Variants in PAIP1 observed in about 807,000 individuals in gnomAD.
The protein encoded by PAIP1 is polyadenylate-binding protein-interacting protein 1.
A neutral mutation model predicts 61.3 loss-of-function variants in PAIP1; 16 were observed. The ratio of observed to expected loss-of-function variants is 0.26; its 90% CI spans 0.18 to 0.40. PAIP1 has a LOEUF of 0.40. Among genes scored for constraint, PAIP1 ranks in the 10% least tolerant of loss-of-function variants. The probability of loss-of-function intolerance (pLI) is 1.00; values close to 1 mark genes in which losing one functional copy is unlikely to be tolerated. For missense variants in PAIP1, 416 were observed against 600.9 expected, an observed-to-expected ratio of 0.69 and a Z score of 3.22; for synonymous variants, 187 against 226.2, an observed-to-expected ratio of 0.83 and a Z score of 1.56.
chr5:43,556,492 C>T lies in PAIP1; in HGVS notation c.265+90G>A, dbSNP rs10072263. ...CTTTCGGGGAACCGGGGGTGGGGAC[C>T]GCAGACAGCGCGTCGGGCCTCGGCA... On this transcript the variant is annotated intron_variant, in intron 1 of 10. Transcript: ENST00000306846. 13,155 of 1,205,978 alleles carry T rather than the reference C, an allele frequency of 0.011. 1,085 individuals are homozygous for T. In the African/African-American group the frequency reaches 0.18, roughly 17 times the overall value. 74.7% of individuals were successfully genotyped at this position (1,205,978 alleles called of 1,614,324 possible). A position where few individuals can be genotyped will look rare whatever the true frequency, so the allele number is the denominator to read the frequency against.
chr5:43,554,279 C>A (rs1443243780), intron 2 of PAIP1, among the ~76,000 whole-genome samples: 1 of 152,210 alleles, frequency 6.6e-6, no homozygotes, highest in African/African-American at 2.4e-5. Context: ...TAAATGGGAA[C>A]CTGCTTGTAG....
At chr5:43,538,053 T>C (rs1451283577) in intron 5 of PAIP1, among the ~76,000 whole-genome samples, 4 of 151,236 alleles carry the variant, frequency 2.6e-5, no homozygotes, top group African/African-American at 9.7e-5. Context: ...AATAATGCCG[T>C]GCTGAATCCA....
Position 43,527,442 on chromosome 5 carries a change from C to T in PAIP1, c.1374G>A (p.Met458Ile), listed in dbSNP as rs764253665. 1.2e-6 allele frequency: 2 copies of T among 1,606,582 alleles called. No individual in the cohort carries two copies. Among genetic ancestry groups the T allele is most frequent in the South Asian group, 1.1e-5 (1 of 89,784 alleles). Residue 458 changes from methionine to isoleucine, a missense_variant, in exon 11 of 11, where the codon ATG (methionine) becomes ATA (isoleucine). Met to Ile is a conservative substitution (Grantham distance 10, BLOSUM62 1). Coordinates refer to ENST00000306846, the MANE Select transcript of PAIP1 (RefSeq NM_006451.5). Reference protein sequence around the residue: ...DPYLDDIDDEMDPEIEEAYEK... With the variant: ...DPYLDDIDDEIDPEIEEAYEK... Reference sequence around the variant, plus strand: ...CATAAGCTTCTTCTATCTCTGGGTCCATCTCATCATCAATATCATCCAAGT... The same window carrying T: ...CATAAGCTTCTTCTATCTCTGGGTCTATCTCATCATCAATATCATCCAAGT...
In PAIP1 at chr5:43,547,779, A is replaced by G. The variant is rs147121444; in HGVS notation, c.570T>C (p.Cys190=). 465 of 1,612,038 alleles carry G rather than the reference A, an allele frequency of 2.9e-4. 1 individual carries two copies. Among genetic ancestry groups the G allele is most frequent in the Non-Finnish European group, 3.8e-4 (443 of 1,179,552 alleles). The change falls in exon 3 of 11, where the codon TGT becomes TGC. Residue 190 remains cysteine (C), a synonymous_variant. Coordinates refer to ENST00000306846, the MANE Select transcript of PAIP1 (RefSeq NM_006451.5). ...CTTGCAAAGCATCATCTGTTGTAAC[A>G]CAACCATTCAGGGTCTCTGCAAACT... ...IEQFAETLNG[C]VTTDDALQEL...
At chr5:43,557,138 G>A, upstream of PAIP1, 2 of 339,490 alleles carry the variant, frequency 5.9e-6, no homozygotes, top group Non-Finnish European at 4.9e-6. Context: ...GCGGGTCACA[G>A]CGGCCCCCTG....
chr5:43,550,891 A>G (rs1272189191), intron 2 of PAIP1, among the ~76,000 whole-genome samples: 1 of 150,364 alleles, frequency 6.7e-6, no homozygotes, highest in Non-Finnish European at 1.5e-5. Context: ...CTTAGAGTTA[A>G]TATATAAACT....
chr5:43,555,417 G>C (rs1381442753), intron 2 of PAIP1, among the ~76,000 whole-genome samples: 1 of 152,178 alleles, frequency 6.6e-6, no homozygotes, highest in African/African-American at 2.4e-5. Context: ...GCTTTGTACG[G>C]CTATTTAAGA....
At chr5:43,551,837 A>G (rs1747879974) in intron 2 of PAIP1, among the ~76,000 whole-genome samples, 1 of 151,912 alleles carries the variant, frequency 6.6e-6, no homozygotes, top group African/African-American at 2.4e-5. Context: ...TGCTCTGAAT[A>G]TAGCAGAACA....
At chr5:43,546,528 A>C (rs924929540) in intron 3 of PAIP1, among the ~76,000 whole-genome samples, 3 of 152,228 alleles carry the variant, frequency 2.0e-5, no homozygotes, top group African/African-American at 7.2e-5. Context: ...AATAACTTGG[A>C]AAAGCAGCCA....
intron 2 of PAIP1, among the ~76,000 whole-genome samples, chr5:43,551,060 A>G (rs1021813485): frequency 6.6e-6 from 1 of 152,134 alleles, no homozygotes; most frequent in Non-Finnish European, 1.5e-5. Context: ...AATGAGGTCA[A>G]TGAGGCAGAT....
At chr5:43,527,716 A>T (rs540468926) in intron 10 of PAIP1, among the ~76,000 whole-genome samples, 18 of 152,316 alleles carry the variant, frequency 1.2e-4, no homozygotes, top group Middle Eastern at 3.4e-3. Flanking sequence ...ACTTTTAGAC[A>T]TAAGTTAAAT....
Position 43,556,789 on chromosome 5 carries a change from C to A in PAIP1, c.58G>T (p.Gly20Cys). The A allele has an allele frequency of 1.4e-6, 2 of 1,451,930 alleles. No homozygotes were observed. Among genetic ancestry groups the A allele is most frequent in the East Asian group, 3.0e-5 (1 of 32,866 alleles). 89.9% of individuals were successfully genotyped at this position (1,451,930 alleles called of 1,614,324 possible). The change falls in exon 1 of 11, where the codon GGC becomes TGC. Residue 20 changes from glycine (G) to cysteine (C), a missense_variant. Physicochemically the swap from Gly to Cys is radical, Grantham distance 159. Transcript: ENST00000306846. ...CCCTCAGGCCCGCCCCCTCCGCGGCCCAGGCCCCGGCTCCGGCCCCGACCA... is the reference window on the plus strand; with the variant it reads ...CCCTCAGGCCCGCCCCCTCCGCGGCACAGGCCCCGGCTCCGGCCCCGACCA... ...GAGRGRSRGL[G>C]RGGGGPEGGG...
intron 4 of PAIP1, among the ~76,000 whole-genome samples, chr5:43,542,307 T>C (rs1399420030): frequency 2.0e-5 from 3 of 150,414 alleles, no homozygotes; most frequent in East Asian, 2.0e-4. Flanking sequence ...CTGAGGTGGG[T>C]GGATCACATG....
chr5:43,533,110 G>C (rs182201420), intron 9 of PAIP1, among the ~76,000 whole-genome samples: 6 of 152,256 alleles, frequency 3.9e-5, no homozygotes, highest in Admixed American at 6.5e-5. Context: ...CTCTGTGCTA[G>C]AGACACAGGA....
At chr5:43,541,630 C>T (rs945927821) in intron 4 of PAIP1, among the ~76,000 whole-genome samples, 8 of 141,170 alleles carry the variant, frequency 5.7e-5, no homozygotes, top group African/African-American at 2.2e-4. Flanking sequence ...AATCTTTATT[C>T]TGTTCCACTG....
At position 43,550,419 on chromosome 5, in the gene PAIP1, G is replaced by A. The variant is rs190653465; in HGVS notation, c.436-2506C>T. Among the ~76,000 whole-genome samples, 4 of 152,180 alleles carry A rather than the reference G, an allele frequency of 2.6e-5. No homozygotes were observed. The East Asian group carries it at 5.8e-4, about 22-fold the overall frequency. On this transcript the variant is annotated intron_variant, in intron 2 of 10. Coordinates refer to ENST00000306846, the MANE Select transcript of PAIP1 (RefSeq NM_006451.5). ...GTCATATTCCAAATGCAACAGCCATGTATTCATACATAAAGGGACTAAAGT... is the reference window on the plus strand; with the variant it reads ...GTCATATTCCAAATGCAACAGCCATATATTCATACATAAAGGGACTAAAGT...
At chr5:43,556,180 C>A (rs1218504536) in intron 1 of PAIP1, 181 bp from the exon 2 acceptor site, 6 of 1,390,270 alleles carry the variant, frequency 4.3e-6, no homozygotes, top group Non-Finnish European at 4.6e-6. Flanking sequence ...AATAGACTTG[C>A]TGTGACTCCG....
At chr5:43,542,342 A>G (rs890356741) in intron 4 of PAIP1, among the ~76,000 whole-genome samples, 7 of 151,344 alleles carry the variant, frequency 4.6e-5, no homozygotes, top group Non-Finnish European at 8.9e-5. Context: ...AGACCAGCCT[A>G]GCCAACATGG....
chr5:43,557,268 T>C, upstream of PAIP1: 1 of 156,510 alleles, frequency 6.4e-6, no homozygotes. Context: ...GCAGCCAGGC[T>C]CGGGCAGGGG....
Sources: gnomAD v4.1 joint callset for allele counts (sites outside exome capture counted in the v4.1 genomes callset) on GRCh38, gnomAD v4.1.1 for gene constraint, MANE v1.5 for transcripts, NCBI Gene and HGNC (gene_info 2026-07-23, HGNC 2026-07-21) for gene names.